Variants in LIN9 observed in about 807,000 individuals in gnomAD.
LIN9 encodes protein lin-9 homolog.
LIN9 carries 18 observed loss-of-function variants against 78.0 expected under a neutral mutation model. That is an observed-to-expected ratio of 0.23 (90% CI 0.16 to 0.34). LIN9 has a LOEUF of 0.34. Ranked by LOEUF, LIN9 falls within the 10% of genes least tolerant of loss-of-function variation. LIN9 has a pLI of 1.00. For synonymous variants in LIN9, 192 were observed against 215.2 expected (o/e 0.89, Z 0.94); for missense variants, 451 against 644.1 (o/e 0.70, Z 3.25).
At position 226,278,042 on chromosome 1, in the gene LIN9, G is replaced by C. The variant is rs1660779883; in HGVS notation, c.525-110C>G. ...GAGTCTGGCTCTGTCATCCAGGCTG[G>C]AGTGCAGTGGCACAATCTTGGCTCA... On this transcript the variant is annotated intron_variant, in intron 6 of 14. Transcript: ENST00000681046. 1.6e-5 allele frequency: 13 copies of C among 826,188 alleles called. No individual in the cohort carries two copies. In the South Asian group the frequency reaches 2.1e-4, roughly 13 times the overall value. 51.2% of individuals were successfully genotyped at this position (826,188 alleles called of 1,614,324 possible).
chr1:226,247,223 T>G (rs1342486517), intron 11 of LIN9, among the ~76,000 whole-genome samples: 1 of 152,146 alleles, frequency 6.6e-6, no homozygotes, highest in Non-Finnish European at 1.5e-5. Flanking sequence ...TCTAAAATTC[T>G]CAATTTTGTC....
intron 7 of LIN9, among the ~76,000 whole-genome samples, chr1:226,269,987 G>A (rs1309177158): frequency 2.0e-5 from 3 of 152,084 alleles, no homozygotes; most frequent in South Asian, 2.1e-4. Context: ...GCAGTGGCAC[G>A]ATCTCGCTCA....
In LIN9 at chr1:226,280,254, T is replaced by C. The variant is rs555001459; in HGVS notation, c.525-2322A>G. ...ATTGTCATTTGTCTCAAAAACTAAA[T>C]AAAAACAATGAGAAAAAAGGATATA... is the stretch of plus-strand genomic sequence containing the variant. On this transcript the variant is annotated intron_variant, in intron 6 of 14. Coordinates refer to ENST00000681046, the MANE Select transcript of LIN9 (RefSeq NM_001366245.2). 1.7e-4 allele frequency among the ~76,000 whole-genome samples: 26 copies of C among 152,036 alleles called. No homozygotes were observed. In the South Asian group the frequency reaches 4.8e-3, roughly 28 times the overall value.
At chr1:226,257,488 A>G (rs1659276962) in intron 10 of LIN9, among the ~76,000 whole-genome samples, 1 of 152,216 alleles carries the variant, frequency 6.6e-6, no homozygotes, top group African/African-American at 2.4e-5. Flanking sequence ...GTATAAATAA[A>G]ATAATGAGAG....
At chr1:226,237,176 G>A (rs1319646550) in intron 12 of LIN9, among the ~76,000 whole-genome samples, 2 of 152,160 alleles carry the variant, frequency 1.3e-5, no homozygotes, top group African/African-American at 2.4e-5. Flanking sequence ...TGAGCAACCC[G>A]TTTCTGCATG....
At chr1:226,274,414 AAG>A in intron 7 of LIN9, among the ~76,000 whole-genome samples, 1 of 152,260 alleles carries the variant, frequency 6.6e-6, no homozygotes, top group South Asian at 2.1e-4. Context: ...GACTGCTTTT[AAG>A]AGTTTCTCTG....
At chr1:226,280,724 G>A (rs1028229873) in intron 6 of LIN9, among the ~76,000 whole-genome samples, 13 of 152,034 alleles carry the variant, frequency 8.6e-5, no homozygotes, top group African/African-American at 2.7e-4. Context: ...GCAGTGAGCC[G>A]AAATCACACC....
At chr1:226,301,716 A>G (rs12024193) in intron 1 of LIN9, among the ~76,000 whole-genome samples, 1 of 152,330 alleles carries the variant, frequency 6.6e-6, no homozygotes, top group East Asian at 1.9e-4. Context: ...GGGAATACAG[A>G]ATGGCCAAGA....
chr1:226,235,717 TTA>T (rs1205990730), intron 12 of LIN9, among the ~76,000 whole-genome samples: 2 of 152,172 alleles, frequency 1.3e-5, no homozygotes, highest in Non-Finnish European at 1.5e-5. Context: ...TTCAGTAAGT[TTA>T]TGTCACTCCT....
At chr1:226,245,599 T>G (rs561108470) in intron 11 of LIN9, among the ~76,000 whole-genome samples, 1 of 150,624 alleles carries the variant, frequency 6.6e-6, no homozygotes, top group Non-Finnish European at 1.5e-5. Flanking sequence ...AAACAAAAAT[T>G]TTTTTTTTTT....
In LIN9 at chr1:226,274,823, TTTTC is replaced by T. The variant is rs762356405; in HGVS notation, c.682+2948_682+2951del. ...ATTATACTTTTCAGTTCTAAATTCA[TTTTC>T]TTTATCTGAAAAAATGTCCATTTAT... is the stretch of plus-strand genomic sequence containing the variant. On this transcript the variant is annotated intron_variant, in intron 7 of 14. Transcript: ENST00000681046. Among the ~76,000 whole-genome samples the T allele has an allele frequency of 7.2e-5, 11 of 152,312 alleles. No homozygotes were observed. In the East Asian group the frequency reaches 9.6e-4, roughly 13 times the overall value.
rs771447186 is a variant in LIN9, at chr1:226,233,398, A to G, written c.1371T>C (p.Asn457=). 6.2e-7 allele frequency: 1 copy of G among 1,613,882 alleles called. No homozygotes were observed. The highest frequency in any genetic ancestry group is 2.2e-5 in the East Asian group (1 of 44,878). ...TGGAAATTAAGTCTGTCAGATTTTC[A>G]TTTTCAACGCAGGGCTGTCCTGTTG... ...NSSTGQPCVE[N]ENLTDLISRL... is the part of the protein sequence containing the mutation. Residue 457 remains asparagine (N), a synonymous_variant, in exon 13 of 15, where the codon AAT becomes AAC. Coordinates refer to ENST00000681046, the MANE Select transcript of LIN9 (RefSeq NM_001366245.2).
intron 5 of LIN9, among the ~76,000 whole-genome samples, chr1:226,286,942 T>C (rs934389884): frequency 6.6e-6 from 1 of 152,118 alleles, no homozygotes; most frequent in Non-Finnish European, 1.5e-5. Flanking sequence ...TGGACAAAAA[T>C]AAAACAATTC....
intron 7 of LIN9, among the ~76,000 whole-genome samples, chr1:226,273,207 G>A (rs1378700883): frequency 8.2e-6 from 1 of 121,886 alleles, no homozygotes; most frequent in Non-Finnish European, 1.8e-5. Flanking sequence ...TGGGTTTTTT[G>A]TTGTTCCCTG....
intron 1 of LIN9, among the ~76,000 whole-genome samples, chr1:226,302,986 G>A (rs1316497962): frequency 6.6e-6 from 1 of 151,842 alleles, no homozygotes; most frequent in Non-Finnish European, 1.5e-5. Flanking sequence ...CTACTCTCTT[G>A]CCCAGATGTG....
At chr1:226,281,751 T>C (rs889816952) in intron 6 of LIN9, among the ~76,000 whole-genome samples, 2 of 151,344 alleles carry the variant, frequency 1.3e-5, no homozygotes, top group Non-Finnish European at 2.9e-5. Context: ...TGGAGTGCAG[T>C]GGTGTGATCT....
intron 11 of LIN9, among the ~76,000 whole-genome samples, chr1:226,241,493 T>C (rs2102842742): frequency 6.6e-6 from 1 of 152,344 alleles, no homozygotes; most frequent in Non-Finnish European, 1.5e-5. Flanking sequence ...GAATTAAAGA[T>C]GTACAAAGGG....
chr1:226,252,281 AAAATAAATAAATAAATAAATAAAT>A (rs59130234), intron 10 of LIN9, among the ~76,000 whole-genome samples: 1 of 140,784 alleles, frequency 7.1e-6, no homozygotes, highest in African/African-American at 2.7e-5. Flanking sequence ...ACCCCATCTC[AAAATAAATAAATAAATAAATAAAT>A]AAATAAATAA....
At chr1:226,291,590 G>C (rs1231147581) in intron 4 of LIN9, among the ~76,000 whole-genome samples, 8 of 152,086 alleles carry the variant, frequency 5.3e-5, no homozygotes, top group Non-Finnish European at 1.2e-4. Flanking sequence ...ATATTGGAAT[G>C]GTAAGTTAGG....
Sources: gnomAD v4.1 joint callset for allele counts (sites outside exome capture counted in the v4.1 genomes callset) on GRCh38, gnomAD v4.1.1 for gene constraint, MANE v1.5 for transcripts, NCBI Gene and HGNC (gene_info 2026-07-23, HGNC 2026-07-21) for gene names.